The following SORCS3 variants were observed in gnomAD, a reference collection of about 807,000 sequenced individuals.
SORCS3 encodes sortilin related VPS10 domain containing receptor 3.
SORCS3 carries 57 observed loss-of-function variants against 146.3 expected under a neutral mutation model. The observed-to-expected ratio is 0.39, with a 90% CI of 0.31 to 0.49. SORCS3 has a LOEUF of 0.49. Among genes scored for constraint, SORCS3 ranks in the 20% least tolerant of loss-of-function variants. The pLI is 0.92. For missense variants in SORCS3, 1,341 were observed against 1,575.5 expected, an observed-to-expected ratio of 0.85 and a Z score of 2.52; for synonymous variants, 653 against 618.5, an observed-to-expected ratio of 1.06 and a Z score of -0.83.
At chr10:105,117,224 T>C (rs928642313) in intron 7 of SORCS3, among the ~76,000 whole-genome samples, 1 of 152,100 alleles carries the variant, frequency 6.6e-6, no homozygotes, top group Non-Finnish European at 1.5e-5. Flanking sequence ...TGTTTCCTGC[T>C]TCCTAGTTTC....
At chr10:104,772,989 T>TG (rs1433923590) in intron 1 of SORCS3, among the ~76,000 whole-genome samples, 4 of 152,182 alleles carry the variant, frequency 2.6e-5, no homozygotes, top group African/African-American at 7.2e-5. Flanking sequence ...GTAAATTACT[T>TG]GCAAATGTGA....
chr10:104,777,615 A>T (rs1321772473), intron 1 of SORCS3, among the ~76,000 whole-genome samples: 4 of 152,228 alleles, frequency 2.6e-5, no homozygotes, highest in South Asian at 2.1e-4. Context: ...TGCTACTGGC[A>T]TCTAGTGGTT....
intron 4 of SORCS3, among the ~76,000 whole-genome samples, chr10:105,042,816 C>A (rs931860120): frequency 2.0e-5 from 3 of 152,070 alleles, no homozygotes; most frequent in Non-Finnish European, 4.4e-5. Context: ...TGATGGCCAT[C>A]AGAAGTGTAT....
chr10:104,770,549 G>A lies in SORCS3; in HGVS notation c.628-72243G>A, dbSNP rs1292046104. The stretch of plus-strand genomic sequence containing the variant: ...TAAAGTGAAAAGAACACTGGGCATA[G>A]GGGTTCACACCTGGAATCCCAGCAC... On this transcript the variant is annotated intron_variant, in intron 1 of 26. Coordinates refer to ENST00000369701, the MANE Select transcript of SORCS3 (RefSeq NM_014978.3). Among the ~76,000 whole-genome samples the A allele has an allele frequency of 4.6e-5, 7 of 152,252 alleles. No individual in the cohort carries two copies. The South Asian group carries it at 1.5e-3, about 32-fold the overall frequency.
chr10:104,956,266 T>C (rs549492684), intron 3 of SORCS3, among the ~76,000 whole-genome samples: 1 of 152,338 alleles, frequency 6.6e-6, no homozygotes, highest in South Asian at 2.1e-4. Flanking sequence ...AATGACAAGT[T>C]TGTCTCAGTA....
Position 104,909,788 on chromosome 10 carries a change from G to GTT in SORCS3, c.696-6033_696-6032dup, listed in dbSNP as rs11462193. 1.8e-3 allele frequency among the ~76,000 whole-genome samples: 246 copies of GTT among 138,954 alleles called. 1 individual carries two copies. The highest frequency in any genetic ancestry group is 5.8e-3 in the African/African-American group (226 of 38,980). 91.2% of individuals were successfully genotyped at this position (138,954 alleles called of 152,430 possible). A position where few individuals can be genotyped will look rare whatever the true frequency, so the allele number is the denominator to read the frequency against. On this transcript the variant is annotated intron_variant, in intron 2 of 26. Coordinates refer to ENST00000369701, the MANE Select transcript of SORCS3 (RefSeq NM_014978.3). The stretch of plus-strand genomic sequence containing the variant: ...GCTGCATCGACTGGATGTCTTTTCT[G>GTT]TTTTTTTTTTTTTCTTTTAAAATAG...
chr10:105,248,189 A>G lies in SORCS3; in HGVS notation c.3105+858A>G, dbSNP rs568114799. Among the ~76,000 whole-genome samples the G allele has an allele frequency of 2.1e-4, 32 of 152,356 alleles. 1 individual carries two copies. Among genetic ancestry groups the G allele is most frequent in the African/African-American group, 7.0e-4 (29 of 41,588 alleles). ...ATATATTGATGAATAAAACATGGTC[A>G]ATTGAAATGTAGAAATAAGTCTAAT... On this transcript the variant is annotated intron_variant, in intron 22 of 26. Transcript: ENST00000369701.
chr10:104,975,695 A>T (rs1019748466), intron 3 of SORCS3, among the ~76,000 whole-genome samples: 7 of 152,244 alleles, frequency 4.6e-5, no homozygotes, highest in Admixed American at 2.6e-4. Flanking sequence ...ACAACATGGT[A>T]CTGGTACCAA....
chr10:105,162,558 C>T (rs185460045), intron 11 of SORCS3, among the ~76,000 whole-genome samples: 2 of 152,308 alleles, frequency 1.3e-5, no homozygotes, highest in East Asian at 3.9e-4. Context: ...TCTTTTCTGT[C>T]CCTTCATCTG....
chr10:105,020,926 A>C (rs2055194208), intron 4 of SORCS3, among the ~76,000 whole-genome samples: 1 of 152,204 alleles, frequency 6.6e-6, no homozygotes. Context: ...CACAGTACAT[A>C]ATGTCTAACT....
chr10:104,826,108 A>G (rs2017932222), intron 1 of SORCS3, among the ~76,000 whole-genome samples: 1 of 152,100 alleles, frequency 6.6e-6, no homozygotes, highest in Admixed American at 6.5e-5. Flanking sequence ...GCCTCTTCCT[A>G]CTTGCATGAG....
intron 1 of SORCS3, among the ~76,000 whole-genome samples, chr10:104,819,353 TA>T (rs2017846467): frequency 1.3e-5 from 2 of 152,192 alleles, no homozygotes; most frequent in Non-Finnish European, 2.9e-5. Flanking sequence ...TGTTGTATAT[TA>T]CATTGATCTG....
At chr10:104,642,022 G>GGGGGGGGGGGGGGGGGGCCCCCCC in intron 1 of SORCS3, 68 bp downstream of exon 1, 2 of 173,332 alleles carry the variant, frequency 1.2e-5, no homozygotes, top group East Asian at 1.5e-4. Flanking sequence ...GGGTGGGTGG[G>GGGGGGGGGGGGGGGGGGCCCCCCC]AGCGAGGGAC....
At position 105,096,180 on chromosome 10, in the gene SORCS3, C is replaced by T. The variant is rs114962758; in HGVS notation, c.1093+6341C>T. Among the ~76,000 whole-genome samples, 1,087 of 151,872 alleles carry T rather than the reference C, an allele frequency of 7.2e-3. 16 individuals are homozygous for T. Among genetic ancestry groups the T allele is most frequent in the African/African-American group, 0.025 (1,043 of 41,418 alleles). ...CACACACACCCTTACCTGGGCCCCA[C>T]CACAAATCAATCAATGAAGTATCTC... On this transcript the variant is annotated intron_variant, in intron 6 of 26. Transcript: ENST00000369701.
chr10:104,721,499 T>G (rs541445588), intron 1 of SORCS3, among the ~76,000 whole-genome samples: 1 of 151,458 alleles, frequency 6.6e-6, no homozygotes, highest in South Asian at 2.1e-4. Flanking sequence ...AGTAGTTTTT[T>G]CCAATTCTGT....
chr10:105,068,348 G>A (rs79760260), intron 5 of SORCS3, among the ~76,000 whole-genome samples: 8,955 of 152,158 alleles, frequency 0.059, 275 homozygotes, highest in Middle Eastern at 0.088. Flanking sequence ...GGGTCCAGCC[G>A]CTCACACCCT....
At chr10:105,233,082 T>G (rs1243378258) in intron 20 of SORCS3, among the ~76,000 whole-genome samples, 1 of 152,070 alleles carries the variant, frequency 6.6e-6, no homozygotes, top group Non-Finnish European at 1.5e-5. Flanking sequence ...CTTATTGATT[T>G]TATTTCTTTT....
chr10:105,088,624 T>G (rs1442466588), intron 5 of SORCS3, among the ~76,000 whole-genome samples: 1 of 152,204 alleles, frequency 6.6e-6, no homozygotes, highest in African/African-American at 2.4e-5. Context: ...CATCAGCCCC[T>G]GTTTCTTTTC....
intron 9 of SORCS3, among the ~76,000 whole-genome samples, chr10:105,154,570 C>T (rs773297368): frequency 1.3e-5 from 2 of 152,220 alleles, no homozygotes; most frequent in Non-Finnish European, 2.9e-5. Flanking sequence ...AAATAATCAG[C>T]AGCAGCCAAA....
Sources: allele counts gnomAD v4.1 joint callset (sites outside exome capture counted in the v4.1 genomes callset), GRCh38; gene constraint gnomAD v4.1.1; transcripts MANE v1.5; gene names NCBI Gene and HGNC (gene_info 2026-07-23, HGNC 2026-07-21).